Variants in SGCG observed in about 807,000 individuals in gnomAD.
SGCG encodes the protein sarcoglycan gamma.
In SGCG, 26 loss-of-function variants were observed where a neutral mutation model predicts 29.3. The ratio of observed to expected loss-of-function variants is 0.89; its 90% CI spans 0.65 to 1.23. The LOEUF is 1.23. Among genes scored for constraint, SGCG ranks in the 50% most tolerant of loss-of-function variants. The pLI is 0.00. For synonymous variants in SGCG, 145 were observed against 129.7 expected (o/e 1.12, Z -0.80); for missense variants, 353 against 356.0 (o/e 0.99, Z 0.07).
chr13:23,169,448 A>G, the SGCG span, among the ~76,000 whole-genome samples: 7 of 151,802 alleles, frequency 4.6e-5, no homozygotes, highest in East Asian at 1.4e-3. Context: ...TGGGAGGCCG[A>G]GGCGGGTGGA....
At chr13:23,226,001 T>A (rs561000905) in intron 2 of SGCG, among the ~76,000 whole-genome samples, 3 of 152,220 alleles carry the variant, frequency 2.0e-5, no homozygotes, top group African/African-American at 7.2e-5. Flanking sequence ...ATTCAGTCAA[T>A]CCCATTCATG....
At chr13:23,218,107 T>C (rs1419078856) in intron 2 of SGCG, among the ~76,000 whole-genome samples, 2 of 152,128 alleles carry the variant, frequency 1.3e-5, no homozygotes, top group Non-Finnish European at 2.9e-5. Context: ...GGAAGATGAT[T>C]TGAGAAAAAA....
intron 1 of SGCG, among the ~76,000 whole-genome samples, chr13:23,183,462 G>T (rs1049226035): frequency 2.0e-5 from 3 of 152,180 alleles, no homozygotes; most frequent in African/African-American, 7.2e-5. Flanking sequence ...AACGTTCTCT[G>T]CACGCAGCCA....
At chr13:23,172,788 C>G in the SGCG span, among the ~76,000 whole-genome samples, 1 of 152,170 alleles carries the variant, frequency 6.6e-6, no homozygotes, top group Non-Finnish European at 1.5e-5. Flanking sequence ...AGACAAGGAA[C>G]AGTCACAGAT....
Position 23,317,645 on chromosome 13 carries a change from C to A in SGCG, c.579-2992C>A, listed in dbSNP as rs538787629. ...ATAAGATTTATTGACTTCATAGCAG[C>A]ATTTAAGTATTGTTAACTTATGTAA... On this transcript the variant is annotated intron_variant, in intron 6 of 7. Coordinates refer to ENST00000218867, the MANE Select transcript of SGCG (RefSeq NM_000231.3). Among the ~76,000 whole-genome samples the A allele has an allele frequency of 4.6e-5, 7 of 152,242 alleles. No homozygotes were observed. In the South Asian group the frequency reaches 1.2e-3, roughly 27 times the overall value.
At chr13:23,255,104 A>G (rs1880129297) in intron 4 of SGCG, among the ~76,000 whole-genome samples, 1 of 152,212 alleles carries the variant, frequency 6.6e-6, no homozygotes, top group South Asian at 2.1e-4. Flanking sequence ...AGCTATGGGA[A>G]GGGAGCCACT....
chr13:23,203,501 C>G (rs1868297711), intron 1 of SGCG, among the ~76,000 whole-genome samples, 194 bp from the exon 2 acceptor site: 1 of 152,080 alleles, frequency 6.6e-6, no homozygotes, highest in Non-Finnish European at 1.5e-5. Flanking sequence ...TAAATATCTC[C>G]CTGTGATTGA....
intron 4 of SGCG, among the ~76,000 whole-genome samples, chr13:23,274,478 C>CTGCAAGCTCCACCCCCCAGG (rs965316200): frequency 2.8e-5 from 4 of 142,280 alleles, no homozygotes; most frequent in African/African-American, 7.9e-5. Flanking sequence ...TCTTGGCTCG[C>CTGCAAGCTCCACCCCCCAGG]TGCAAGCTCC....
At chr13:23,316,443 A>G (rs1593109789) in intron 6 of SGCG, among the ~76,000 whole-genome samples, 1 of 152,192 alleles carries the variant, frequency 6.6e-6, no homozygotes, top group South Asian at 2.1e-4. Context: ...TGGTCTTACC[A>G]TGTTCCCCAT....
At chr13:23,202,207 C>T (rs773577827) in intron 1 of SGCG, among the ~76,000 whole-genome samples, 5 of 152,076 alleles carry the variant, frequency 3.3e-5, no homozygotes, top group South Asian at 2.1e-4. Flanking sequence ...GTGATAGAGG[C>T]GTTTGGACAT....
chr13:23,323,661 A>T (rs1370510149), intron 7 of SGCG, among the ~76,000 whole-genome samples: 4 of 152,226 alleles, frequency 2.6e-5, no homozygotes, highest in Admixed American at 6.5e-5. Flanking sequence ...TATGACCAGA[A>T]TATCCAGTAG....
chr13:23,239,126 A>G (rs1350139177), intron 3 of SGCG, among the ~76,000 whole-genome samples: 2 of 152,122 alleles, frequency 1.3e-5, no homozygotes, highest in East Asian at 3.8e-4. Context: ...TGTTCAATGA[A>G]CCCCAAACAA....
chr13:23,202,963 C>T (rs565058929), intron 1 of SGCG, among the ~76,000 whole-genome samples: 10 of 151,768 alleles, frequency 6.6e-5, no homozygotes, highest in Admixed American at 1.3e-4. Context: ...TTCTTTTTTT[C>T]TTTTTCTTTT....
At chr13:23,201,222 C>T (rs950458238) in intron 1 of SGCG, among the ~76,000 whole-genome samples, 8 of 151,892 alleles carry the variant, frequency 5.3e-5, no homozygotes, top group Admixed American at 2.0e-4. Context: ...CAGCAAACCA[C>T]GATAAAATTG....
In SGCG at chr13:23,314,385, T is replaced by TATATATATATATATATATATATAC. The variant is rs1882721908; in HGVS notation, c.579-6229_579-6228insCATATATATATATATATATATATA. On this transcript the variant is annotated intron_variant, in intron 6 of 7. Transcript: ENST00000218867. ...ATGAAATGATGTCTGCTATAGGTTA[T>TATATATATATATATATATATATAC]ATATATATATATATATATATATAAT... Among the ~76,000 whole-genome samples, 6 of 86,178 alleles carry TATATATATATATATATATATATAC rather than the reference T, an allele frequency of 7.0e-5. No individual in the cohort carries two copies. The Admixed American group carries it at 8.0e-4, about 11-fold the overall frequency. The allele number at this position is 86,178 out of a possible 152,430, so 56.5% of individuals were successfully genotyped here.
chr13:23,317,516 G>A (rs1316194690), intron 6 of SGCG, among the ~76,000 whole-genome samples: 1 of 127,848 alleles, frequency 7.8e-6, no homozygotes, highest in African/African-American at 2.5e-5. Flanking sequence ...AACGGGGACT[G>A]TAATTATGAG....
chr13:23,270,546 G>C (rs1228280556), intron 4 of SGCG, among the ~76,000 whole-genome samples: 2 of 152,046 alleles, frequency 1.3e-5, no homozygotes, highest in Non-Finnish European at 2.9e-5. Flanking sequence ...TTCCTCAGTA[G>C]TTAAGAATTC....
chr13:23,162,742 A>T, the SGCG span, among the ~76,000 whole-genome samples: 3 of 152,124 alleles, frequency 2.0e-5, no homozygotes, highest in Non-Finnish European at 2.9e-5. Flanking sequence ...GAGGCAGGAG[A>T]ATCACTTGAA....
rs150207137 is a variant in SGCG at position 23,294,583 on chromosome 13, C to G, written c.506-832C>G. ...TAAAGTAATTCTTCCCCATTGATGA[C>G]CCTCCAAATAATTTTGTTGCACTTT... is the stretch of plus-strand genomic sequence containing the variant. On this transcript the variant is annotated intron_variant, in intron 5 of 7. Transcript: ENST00000218867. 1.7e-3 allele frequency among the ~76,000 whole-genome samples: 261 copies of G among 152,282 alleles called. 2 individuals are homozygous for G. The highest frequency in any genetic ancestry group is 0.014 in the Middle Eastern group (4 of 294).
Sources: gnomAD v4.1 joint callset for allele counts (sites outside exome capture counted in the v4.1 genomes callset) on GRCh38, gnomAD v4.1.1 for gene constraint, MANE v1.5 for transcripts, NCBI Gene and HGNC (gene_info 2026-07-23, HGNC 2026-07-21) for gene names.